RARS2: variants seen among roughly 807,000 people sequenced by gnomAD.
RARS2 encodes the protein probable arginine--tRNA ligase, mitochondrial.
Under a neutral mutation model 88.5 loss-of-function variants are expected in RARS2, and 67 were observed. The ratio of observed to expected loss-of-function variants is 0.76; its 90% CI spans 0.62 to 0.93. The LOEUF (loss-of-function observed/expected upper bound fraction) is 0.93. Among genes scored for constraint, RARS2 ranks in the 40% least tolerant of loss-of-function variants. The pLI is 0.00. For missense variants in RARS2, 664 were observed against 684.2 expected (o/e 0.97, Z 0.33); for synonymous variants, 239 against 230.3 (o/e 1.04, Z -0.34).
intron 4 of RARS2, among the ~76,000 whole-genome samples, chr6:87,560,353 G>T (rs1787451800): frequency 1.3e-5 from 2 of 152,118 alleles, no homozygotes; most frequent in South Asian, 2.1e-4. Context: ...AGAAAACAGG[G>T]TTTTGTTTGA....
At chr6:87,534,141 G>A (rs1414113277) in intron 8 of RARS2, among the ~76,000 whole-genome samples, 2 of 151,986 alleles carry the variant, frequency 1.3e-5, no homozygotes, top group African/African-American at 2.4e-5. Context: ...AGTTGATTCC[G>A]AACATGAAAT....
intron 8 of RARS2, among the ~76,000 whole-genome samples, chr6:87,538,609 A>G (rs898624323): frequency 4.6e-5 from 7 of 152,180 alleles, no homozygotes; most frequent in African/African-American, 1.7e-4. Context: ...ACCTACACCT[A>G]TATATGGCTA....
At chr6:87,560,566 G>A (rs551877647) in intron 4 of RARS2, among the ~76,000 whole-genome samples, 11 of 152,238 alleles carry the variant, frequency 7.2e-5, no homozygotes, top group Admixed American at 5.2e-4. Context: ...AACAAGAATC[G>A]AATTTTTTTT....
chr6:87,589,054 A>C (rs1395756765), intron 1 of RARS2, among the ~76,000 whole-genome samples: 1 of 152,230 alleles, frequency 6.6e-6, no homozygotes, highest in Non-Finnish European at 1.5e-5. Flanking sequence ...ATGTCTAGAA[A>C]TACTGTAAAA....
rs144851214 is a variant in RARS2, at chr6:87,582,206, A to G, written c.36+7716T>C. On this transcript the variant is annotated intron_variant, in intron 1 of 19. Coordinates refer to ENST00000369536, the MANE Select transcript of RARS2 (RefSeq NM_020320.5). The stretch of plus-strand genomic sequence containing the variant: ...CACTGTCTTCCACAATGGCTGAACT[A>G]ATTTACATTTCCACCAACAGTGTAA... Among the ~76,000 whole-genome samples, 440 of 152,296 alleles carry G rather than the reference A, an allele frequency of 2.9e-3. 2 individuals carry two copies. Among genetic ancestry groups the G allele is most frequent in the African/African-American group, 9.7e-3 (402 of 41,544 alleles).
Position 87,529,543 on chromosome 6 carries a change from T to C in RARS2, c.877A>G (p.Ile293Val), listed in dbSNP as rs1415465721. Residue 293 changes from isoleucine (I) to valine (V), a missense_variant and splice_region_variant, in exon 10 of 20, where the codon ATA becomes GTA. Physicochemically the swap from Ile to Val is conservative, Grantham distance 29 (BLOSUM62 3). Transcript: ENST00000369536. The stretch of plus-strand genomic sequence containing the variant: ...TGAAGAATAGTAACCTGATCATACA[T>C]TGTTTTCAGTAGGAGTCCTTTACTC... ...LESKGLLLKT[I>V]KGTAVVDLSG... 3.3e-6 allele frequency: 5 copies of C among 1,535,262 alleles called. No homozygotes were observed. Among genetic ancestry groups the C allele is most frequent in the Admixed American group, 1.7e-5 (1 of 59,914 alleles).
Position 87,514,970 on chromosome 6 carries a change from G to T in RARS2, c.1637C>A (p.Pro546His). ...AACATAACGTACCCCAGCCACTTCA[G>T]GAGGACTATCTTTTATTTGTAGTGT... ...HKTLQIKDSP[P>H]EVAGARLHLF... is the part of the protein sequence containing the mutation. Residue 546 changes from proline to histidine, a missense_variant, in exon 19 of 20, where the codon CCT becomes CAT. Physicochemically the swap from Pro to His is moderately conservative, Grantham distance 77. Coordinates refer to ENST00000369536, the MANE Select transcript of RARS2 (RefSeq NM_020320.5). 6.2e-7 allele frequency: 1 copy of T among 1,612,544 alleles called. No homozygotes were observed. The highest frequency in any genetic ancestry group is 8.5e-7 in the Non-Finnish European group (1 of 1,178,600).
intron 19 of RARS2, 143 bp from the exon 20 acceptor site, chr6:87,514,642 A>G: frequency 2.6e-6 from 2 of 777,860 alleles, no homozygotes. Context: ...TAGGCAAGAG[A>G]AGATAAATTC....
At chr6:87,554,972 C>T (rs956880582) in intron 5 of RARS2, among the ~76,000 whole-genome samples, 25 of 151,886 alleles carry the variant, frequency 1.6e-4, no homozygotes, top group Middle Eastern at 6.3e-3. Flanking sequence ...GGTATGGTGG[C>T]GGGCGCCTGT....
chr6:87,530,727 TAAC>T, intron 9 of RARS2, 54 bp downstream of exon 9: 1 of 1,574,302 alleles, frequency 6.4e-7, no homozygotes, highest in Non-Finnish European at 8.7e-7. Context: ...ACTATGCAGG[TAAC>T]AGCCGAGAGC....
At chr6:87,527,529 A>C (rs1776147364) in intron 10 of RARS2, among the ~76,000 whole-genome samples, 1 of 152,218 alleles carries the variant, frequency 6.6e-6, no homozygotes, top group African/African-American at 2.4e-5. Flanking sequence ...AAGCATAGGC[A>C]ACAAAAGCAA....
chr6:87,524,538 C>G lies in RARS2; in HGVS notation c.974+19G>C. Reference sequence around the variant, plus strand: ...AACAGATTTAGAACCAAATGTTGACCCTCACAGAGGCTACAAACCTGGTTG... The same window carrying G: ...AACAGATTTAGAACCAAATGTTGACGCTCACAGAGGCTACAAACCTGGTTG... On this transcript the variant is annotated intron_variant, in intron 11 of 19. Transcript: ENST00000369536. 1 of 1,563,108 alleles carries G rather than the reference C, an allele frequency of 6.4e-7. No individual in the cohort carries two copies. The highest frequency in any genetic ancestry group is 8.8e-7 in the Non-Finnish European group (1 of 1,134,004).
intron 8 of RARS2, among the ~76,000 whole-genome samples, chr6:87,537,919 T>C (rs1179055750): frequency 6.6e-6 from 1 of 152,200 alleles, no homozygotes; most frequent in Non-Finnish European, 1.5e-5. Flanking sequence ...ACCTACGCTA[T>C]TTGTGACATT....
chr6:87,548,098 C>T (rs191416979), intron 6 of RARS2, among the ~76,000 whole-genome samples: 42 of 152,092 alleles, frequency 2.8e-4, no homozygotes, highest in African/African-American at 9.4e-4. Context: ...CAAAAATTAG[C>T]CAGGCATGGT....
At chr6:87,563,068 C>G (rs1006476019) in intron 3 of RARS2, among the ~76,000 whole-genome samples, 4 of 152,198 alleles carry the variant, frequency 2.6e-5, no homozygotes, top group Non-Finnish European at 5.9e-5. Flanking sequence ...AGAAAAATCA[C>G]TCTACCCATA....
chr6:87,528,980 T>C (rs543736487), intron 10 of RARS2, among the ~76,000 whole-genome samples: 5 of 152,154 alleles, frequency 3.3e-5, no homozygotes, highest in Non-Finnish European at 5.9e-5. Flanking sequence ...CATAAATATA[T>C]ACAATATGTC....
chr6:87,557,139 C>CT (rs1316525068), intron 4 of RARS2, among the ~76,000 whole-genome samples: 1 of 152,010 alleles, frequency 6.6e-6, no homozygotes, highest in Non-Finnish European at 1.5e-5. Flanking sequence ...TACCCGTTGT[C>CT]TTTAAGCCTC....
intron 8 of RARS2, among the ~76,000 whole-genome samples, chr6:87,540,314 G>A (rs1162909840): frequency 6.6e-6 from 1 of 151,674 alleles, no homozygotes; most frequent in African/African-American, 2.4e-5. Context: ...ATAGCTGGGT[G>A]TGGTGCTGGG....
Position 87,524,736 on chromosome 6 carries a change from G to A in RARS2, c.879-84C>T, listed in dbSNP as rs1775108425. The A allele has an allele frequency of 6.8e-6, 7 of 1,033,872 alleles. No individual in the cohort carries two copies. The South Asian group carries it at 9.0e-5, about 13-fold the overall frequency. 64.0% of individuals were successfully genotyped at this position (1,033,872 alleles called of 1,614,324 possible). A position where few individuals can be genotyped will look rare whatever the true frequency, so the allele number is the denominator to read the frequency against. On this transcript the variant is annotated intron_variant, in intron 10 of 19. Coordinates refer to ENST00000369536, the MANE Select transcript of RARS2 (RefSeq NM_020320.5). ...TAATATCTAAAACATTAGCAAACCA[G>A]AAGCTATTTTTATTACCCACGTTGC...
Sources: allele counts gnomAD v4.1 joint callset (sites outside exome capture counted in the v4.1 genomes callset), GRCh38; gene constraint gnomAD v4.1.1; transcripts MANE v1.5; gene names NCBI Gene and HGNC (gene_info 2026-07-23, HGNC 2026-07-21).